Variants in SYNE2 observed in about 807,000 individuals in gnomAD.
SYNE2 encodes spectrin repeat containing nuclear envelope protein 2.
In SYNE2, 431 loss-of-function variants were observed where a neutral mutation model predicts 856.3. That is an observed-to-expected ratio of 0.50 (90% CI 0.47 to 0.55). The LOEUF (loss-of-function observed/expected upper bound fraction) is 0.55. Among genes scored for constraint, SYNE2 ranks in the 20% least tolerant of loss-of-function variants. The probability of loss-of-function intolerance (pLI) is 0.00; values close to 1 mark genes in which losing one functional copy is unlikely to be tolerated. For missense variants in SYNE2, 8,129 were observed against 8,023.2 expected, an observed-to-expected ratio of 1.01 and a Z score of -0.50; for synonymous variants, 2,923 against 2,872.3, an observed-to-expected ratio of 1.02 and a Z score of -0.56.
At position 64,126,780 on chromosome 14, in the gene SYNE2, T is replaced by C. The variant is rs1010267379; in HGVS notation, c.13890T>C (p.Ala4630=). The C allele has an allele frequency of 2.5e-6, 4 of 1,613,080 alleles. No individual in the cohort carries two copies. In the African/African-American group the frequency reaches 4.0e-5, roughly 16 times the overall value. Residue 4630 remains alanine, a synonymous_variant, in exon 73 of 116, where the codon GCT becomes GCC. Coordinates refer to ENST00000555002, the MANE Select transcript of SYNE2 (RefSeq NM_182914.3). ...AAVCRSKSLK[A]GLDYNRSYQN... is the part of the protein sequence containing the mutation. ...TCTGTAGAAGCAAGTCCCTGAAAGC[T>C]GGCCTCGATTACAACCGCAGTTACC...
At chr14:64,005,339 G>T (rs1186113942) in intron 30 of SYNE2, among the ~76,000 whole-genome samples, 1 of 152,224 alleles carries the variant, frequency 6.6e-6, no homozygotes, top group African/African-American at 2.4e-5. Flanking sequence ...GATGAAGCTG[G>T]CATGGACCAG....
intron 93 of SYNE2, 41 bp downstream of exon 93, chr14:64,169,012 A>C (rs373551244): frequency 1.3e-6 from 2 of 1,482,552 alleles, no homozygotes; most frequent in African/African-American, 2.8e-5. Flanking sequence ...GGCGGATGGA[A>C]GGTAATGCAT....
intron 1 of SYNE2, among the ~76,000 whole-genome samples, chr14:63,780,473 G>A (rs1372745831): frequency 6.6e-6 from 1 of 152,158 alleles, no homozygotes; most frequent in Admixed American, 6.6e-5. Flanking sequence ...GGTAGAGGTT[G>A]TGGTGAGCCG....
rs543827481 is a variant in SYNE2 at position 63,971,139 on chromosome 14, A to G, written c.1128+3293A>G. Among the ~76,000 whole-genome samples, 332 of 147,530 alleles carry G rather than the reference A, an allele frequency of 2.3e-3. 1 individual carries two copies. Among genetic ancestry groups the G allele is most frequent in the Non-Finnish European group, 3.9e-3 (259 of 66,880 alleles). On this transcript the variant is annotated intron_variant, in intron 11 of 115. Coordinates refer to ENST00000555002, the MANE Select transcript of SYNE2 (RefSeq NM_182914.3). ...TTTTTGGTTTTTTTTTTTTTGAGAC[A>G]GGGTCTTTGTCGTCCAGGCTGGAGT...
At chr14:64,185,507 CT>C (rs2098484322) in intron 96 of SYNE2, among the ~76,000 whole-genome samples, 1 of 122,550 alleles carries the variant, frequency 8.2e-6, no homozygotes, top group Non-Finnish European at 1.6e-5. Context: ...TTTTCTTTTT[CT>C]TTTTCTTTTT....
At chr14:63,815,205 C>CATATATATATGTATATATAT (rs1316734811) in intron 1 of SYNE2, among the ~76,000 whole-genome samples, 1 of 94,610 alleles carries the variant, frequency 1.1e-5, no homozygotes, top group South Asian at 3.6e-4. Flanking sequence ...TATATATATC[C>CATATATATATGTATATATAT]ATATATATAT....
intron 1 of SYNE2, among the ~76,000 whole-genome samples, chr14:63,765,668 G>A (rs17101394): frequency 0.17 from 25,534 of 151,940 alleles, 2,223 homozygotes; most frequent in Admixed American, 0.2. Flanking sequence ...ATATGTCATC[G>A]ACTTTTAAAA....
At chr14:64,175,703 C>CA (rs1370504499) in intron 95 of SYNE2, among the ~76,000 whole-genome samples, 1 of 152,092 alleles carries the variant, frequency 6.6e-6, no homozygotes. Flanking sequence ...CTCTTAATGT[C>CA]AAACTGTCTA....
Position 64,170,363 on chromosome 14 carries a change from G to A in SYNE2, c.17136G>A (p.Leu5712=). 6.2e-7 allele frequency: 1 copy of A among 1,614,162 alleles called. No homozygotes were observed. The highest frequency in any genetic ancestry group is 8.5e-7 in the Non-Finnish European group (1 of 1,180,018). ...WQDFTTSVEN[L]FRFLTDTSHL... is the part of the protein sequence containing the mutation. Reference sequence around the variant, plus strand: ...ATTTCACTACTTCTGTGGAGAACTTGTTTCGCTTCCTCACTGACACCAGCC... The same window carrying A: ...ATTTCACTACTTCTGTGGAGAACTTATTTCGCTTCCTCACTGACACCAGCC... The change falls in exon 94 of 116, where the codon TTG becomes TTA. Residue 5712 remains leucine, a synonymous_variant. Coordinates refer to ENST00000555002, the MANE Select transcript of SYNE2 (RefSeq NM_182914.3).
intron 23 of SYNE2, among the ~76,000 whole-genome samples, chr14:63,996,107 G>A (rs1001252450): frequency 6.6e-6 from 1 of 152,120 alleles, no homozygotes; most frequent in Non-Finnish European, 1.5e-5. Context: ...AAAACTGAAC[G>A]AATAATATCT....
intron 1 of SYNE2, among the ~76,000 whole-genome samples, chr14:63,783,409 G>C (rs1484650801): frequency 6.6e-6 from 1 of 151,862 alleles, no homozygotes; most frequent in Non-Finnish European, 1.5e-5. Context: ...ACTGAGTCTT[G>C]CTCTGTTGCC....
At chr14:63,787,144 T>C (rs767054044) in intron 1 of SYNE2, among the ~76,000 whole-genome samples, 1 of 152,192 alleles carries the variant, frequency 6.6e-6, no homozygotes, top group Non-Finnish European at 1.5e-5. Flanking sequence ...GCTGGGTAAT[T>C]GGGATATCGA....
chr14:63,942,156 A>G lies in SYNE2; in HGVS notation c.408+13A>G. 1 of 1,496,818 alleles carries G rather than the reference A, an allele frequency of 6.7e-7. No individual in the cohort carries two copies. The highest frequency in any genetic ancestry group is 9.3e-7 in the Non-Finnish European group (1 of 1,076,080). 92.7% of individuals were successfully genotyped at this position (1,496,818 alleles called of 1,614,324 possible). On this transcript the variant is annotated intron_variant, in intron 6 of 115. Transcript: ENST00000555002. ...CCTGCACTTTCATGTAAGTAGTTTG[A>G]TGATATAAAAATTATTTCTACCCTA...
intron 87 of SYNE2, among the ~76,000 whole-genome samples, chr14:64,160,781 G>A (rs769551347): frequency 9.2e-5 from 14 of 151,994 alleles, no homozygotes; most frequent in Admixed American, 1.3e-4. Flanking sequence ...TATATTCTTT[G>A]ACTCTGTAAT....
intron 1 of SYNE2, among the ~76,000 whole-genome samples, chr14:63,844,205 A>G (rs1890157749): frequency 6.6e-6 from 1 of 152,138 alleles, no homozygotes; most frequent in South Asian, 2.1e-4. Flanking sequence ...CCCAATCCTG[A>G]CAATCACTGA....
At chr14:64,105,768 G>T (rs2097767007) in intron 64 of SYNE2, among the ~76,000 whole-genome samples, 1 of 138,222 alleles carries the variant, frequency 7.2e-6, no homozygotes, top group Non-Finnish European at 1.5e-5. Flanking sequence ...TTCTAGAAAG[G>T]TTATACCAGG....
chr14:64,155,534 A>G (rs771070515), intron 85 of SYNE2, among the ~76,000 whole-genome samples: 1 of 152,124 alleles, frequency 6.6e-6, no homozygotes, highest in Non-Finnish European at 1.5e-5. Flanking sequence ...CACATTTTAA[A>G]TAGATGAATC....
At chr14:64,165,465 A>C in intron 90 of SYNE2, 55 bp downstream of exon 90, 1 of 1,587,822 alleles carries the variant, frequency 6.3e-7, no homozygotes, top group Non-Finnish European at 8.6e-7. Flanking sequence ...AGGTTAAAAA[A>C]AATAAGCTGA....
At chr14:63,982,476 C>A (rs998888799) in intron 16 of SYNE2, among the ~76,000 whole-genome samples, 154 bp from the exon 17 acceptor site, 1 of 141,688 alleles carries the variant, frequency 7.1e-6, no homozygotes, top group African/African-American at 2.7e-5. Flanking sequence ...ACCTTGATTG[C>A]GCCACTGCAC....
Sources: gnomAD v4.1 joint callset for allele counts (sites outside exome capture counted in the v4.1 genomes callset) on GRCh38, gnomAD v4.1.1 for gene constraint, MANE v1.5 for transcripts, NCBI Gene and HGNC (gene_info 2026-07-23, HGNC 2026-07-21) for gene names.